Variants in PPM1H observed in about 807,000 individuals in gnomAD.
PPM1H encodes protein phosphatase, Mg2+/Mn2+ dependent 1H.
PPM1H carries 27 observed loss-of-function variants against 54.9 expected under a neutral mutation model. That is an observed-to-expected ratio of 0.49 (90% CI 0.36 to 0.68). The LOEUF is 0.68. PPM1H is among the 30% of genes least tolerant of loss of function. The probability of loss-of-function intolerance (pLI) is 0.00; values close to 1 mark genes in which losing one functional copy is unlikely to be tolerated. For synonymous variants in PPM1H, 305 were observed against 270.8 expected, an observed-to-expected ratio of 1.13 and a Z score of -1.24; for missense variants, 596 against 667.8, an observed-to-expected ratio of 0.89 and a Z score of 1.19.
intron 1 of PPM1H, among the ~76,000 whole-genome samples, chr12:62,902,409 T>G (rs1367826926): frequency 6.6e-6 from 1 of 151,932 alleles, no homozygotes; most frequent in African/African-American, 2.4e-5. Flanking sequence ...AAAAGCTTTT[T>G]AAAAAAATTT....
At chr12:62,897,314 A>C (rs970527456) in intron 1 of PPM1H, among the ~76,000 whole-genome samples, 4 of 152,208 alleles carry the variant, frequency 2.6e-5, no homozygotes, top group African/African-American at 4.8e-5. Flanking sequence ...AAAATCAAAT[A>C]AAATAAAACC....
intron 4 of PPM1H, chr12:62,756,067 T>C: frequency 4.2e-6 from 5 of 1,176,870 alleles, no homozygotes; most frequent in East Asian, 4.7e-5. Context: ...GAGCACCAGG[T>C]TGTCTCCTCT....
At chr12:62,925,229 T>C (rs1167377954) in intron 1 of PPM1H, among the ~76,000 whole-genome samples, 1 of 152,132 alleles carries the variant, frequency 6.6e-6, no homozygotes, top group Non-Finnish European at 1.5e-5. Flanking sequence ...ATTCACCAAA[T>C]ATGTCTGTCA....
intron 1 of PPM1H, among the ~76,000 whole-genome samples, chr12:62,863,817 G>A (rs555922923): frequency 2.9e-4 from 44 of 152,288 alleles, no homozygotes; most frequent in African/African-American, 1.1e-3. Flanking sequence ...CACTAAATAT[G>A]ACTAAGACCA....
intron 6 of PPM1H, among the ~76,000 whole-genome samples, chr12:62,703,781 C>T (rs1298260430): frequency 6.6e-6 from 1 of 152,140 alleles, no homozygotes; most frequent in Non-Finnish European, 1.5e-5. Flanking sequence ...TGAGACCTTC[C>T]TGCAAAAAGC....
chr12:62,804,576 A>C (rs2076793260), intron 2 of PPM1H, among the ~76,000 whole-genome samples: 1 of 151,866 alleles, frequency 6.6e-6, no homozygotes, highest in Admixed American at 6.6e-5. Context: ...CCTTGGAAGA[A>C]TCTAATTACA....
intron 4 of PPM1H, among the ~76,000 whole-genome samples, chr12:62,746,563 C>T (rs774340325): frequency 1.4e-4 from 22 of 152,292 alleles, no homozygotes; most frequent in Middle Eastern, 3.4e-3. Context: ...AGCCACCTCC[C>T]CTTCATACAT....
intron 5 of PPM1H, among the ~76,000 whole-genome samples, chr12:62,733,001 A>C (rs2076331179): frequency 6.6e-6 from 1 of 152,234 alleles, no homozygotes; most frequent in South Asian, 2.1e-4. Flanking sequence ...ATGAATCAGT[A>C]GGATTACACG....
chr12:62,861,802 T>C (rs1176028010), intron 1 of PPM1H, among the ~76,000 whole-genome samples: 2 of 152,182 alleles, frequency 1.3e-5, no homozygotes, highest in African/African-American at 4.8e-5. Flanking sequence ...CTGGAGAGCA[T>C]GTGTCCCTTC....
At chr12:62,664,716 C>T (rs1356563360) in intron 9 of PPM1H, among the ~76,000 whole-genome samples, 1 of 152,180 alleles carries the variant, frequency 6.6e-6, no homozygotes, top group Non-Finnish European at 1.5e-5. Context: ...ATCCATTTTA[C>T]TTCTCAGATA....
chr12:62,666,558 A>T (rs1038321684), intron 9 of PPM1H, among the ~76,000 whole-genome samples: 1 of 152,186 alleles, frequency 6.6e-6, no homozygotes, highest in East Asian at 1.9e-4. Context: ...CATCAACAGG[A>T]TCAGAAATGG....
chr12:62,907,957 A>G (rs966252638), intron 1 of PPM1H, among the ~76,000 whole-genome samples: 3 of 152,234 alleles, frequency 2.0e-5, no homozygotes, highest in East Asian at 1.9e-4. Context: ...GGGCAACATC[A>G]ATTAAGATAA....
At chr12:62,854,478 G>C (rs12321359) in intron 1 of PPM1H, among the ~76,000 whole-genome samples, 1 of 152,028 alleles carries the variant, frequency 6.6e-6, no homozygotes, top group Non-Finnish European at 1.5e-5. Context: ...ACAGGGGTGG[G>C]GGTGGGCAGG....
At chr12:62,784,999 A>G (rs2641558) in intron 4 of PPM1H, among the ~76,000 whole-genome samples, 59,478 of 152,058 alleles carry the variant, frequency 0.39, 13,633 homozygotes, top group African/African-American at 0.64. Context: ...GGATACTGGG[A>G]CTAGAATACT....
intron 4 of PPM1H, among the ~76,000 whole-genome samples, chr12:62,754,770 T>G (rs2076461220): frequency 6.6e-6 from 1 of 152,206 alleles, no homozygotes; most frequent in South Asian, 2.1e-4. Context: ...CAACAGTCTT[T>G]CATGATCTTT....
intron 1 of PPM1H, among the ~76,000 whole-genome samples, chr12:62,861,561 T>C (rs1424782984): frequency 6.6e-6 from 1 of 152,252 alleles, no homozygotes; most frequent in Non-Finnish European, 1.5e-5. Flanking sequence ...TTGCACACTT[T>C]GTATATTCAA....
At chr12:62,869,089 T>C (rs551456606) in intron 1 of PPM1H, among the ~76,000 whole-genome samples, 1 of 152,334 alleles carries the variant, frequency 6.6e-6, no homozygotes, top group South Asian at 2.1e-4. Context: ...CCTTGCTGTA[T>C]ATGATGTCAT....
chr12:62,859,378 C>G (rs1869515281), intron 1 of PPM1H, among the ~76,000 whole-genome samples: 1 of 152,164 alleles, frequency 6.6e-6, no homozygotes, highest in African/African-American at 2.4e-5. Flanking sequence ...ACAGGTAAAG[C>G]AAGATGCCCA....
chr12:62,817,147 AAAACT>A (rs2076873220), intron 2 of PPM1H, among the ~76,000 whole-genome samples: 2 of 133,668 alleles, frequency 1.5e-5, no homozygotes, highest in African/African-American at 5.5e-5. Context: ...GAAAAAAAAA[AAAACT>A]AAAAAAAAGA....
Sources: allele counts gnomAD v4.1 joint callset (sites outside exome capture counted in the v4.1 genomes callset), GRCh38; gene constraint gnomAD v4.1.1; transcripts MANE v1.5; gene names NCBI Gene and HGNC (gene_info 2026-07-23, HGNC 2026-07-21).